The following TWSG1 variants were observed in gnomAD, a reference collection of about 807,000 sequenced individuals.
TWSG1 encodes the protein twisted gastrulation protein homolog 1.
TWSG1 carries 15 observed loss-of-function variants against 23.0 expected under a neutral mutation model. That is an observed-to-expected ratio of 0.65 (90% CI 0.44 to 1.00). TWSG1 has a LOEUF of 1.00. Among genes scored for constraint, TWSG1 ranks in the 50% least tolerant of loss-of-function variants. The pLI is 0.00. For synonymous variants in TWSG1, 86 were observed against 92.8 expected (o/e 0.93, Z 0.42); for missense variants, 242 against 278.7 (o/e 0.87, Z 0.94).
intron 2 of TWSG1, among the ~76,000 whole-genome samples, chr18:9,348,633 T>C (rs552625931): frequency 6.6e-6 from 1 of 152,348 alleles, no homozygotes; most frequent in East Asian, 1.9e-4. Flanking sequence ...ACAGGGCACA[T>C]TGACATTTTA....
intron 2 of TWSG1, among the ~76,000 whole-genome samples, chr18:9,339,390 C>G (rs918607425): frequency 2.6e-5 from 4 of 152,160 alleles, no homozygotes; most frequent in Non-Finnish European, 5.9e-5. Flanking sequence ...CAGCGATCCT[C>G]CCATCTCAGC....
chr18:9,372,067 C>T (rs930431477), intron 3 of TWSG1, among the ~76,000 whole-genome samples: 4 of 151,820 alleles, frequency 2.6e-5, no homozygotes, highest in Non-Finnish European at 4.4e-5. Flanking sequence ...GCCTGGCCAA[C>T]GTTTTTATTC....
intron 2 of TWSG1, among the ~76,000 whole-genome samples, chr18:9,350,473 A>G (rs2040497552): frequency 6.6e-6 from 1 of 152,202 alleles, no homozygotes; most frequent in South Asian, 2.1e-4. Flanking sequence ...ACTCAGCCTC[A>G]ACAGTGATCA....
At chr18:9,349,678 A>C (rs1291957768) in intron 2 of TWSG1, among the ~76,000 whole-genome samples, 5 of 152,062 alleles carry the variant, frequency 3.3e-5, no homozygotes, top group Non-Finnish European at 4.4e-5. Context: ...TTTTTTTCTT[A>C]ATCAGTGCAA....
At chr18:9,368,832 C>T (rs145567471) in intron 3 of TWSG1, among the ~76,000 whole-genome samples, 1 of 152,054 alleles carries the variant, frequency 6.6e-6, no homozygotes, top group South Asian at 2.1e-4. Flanking sequence ...CCTGTAATCC[C>T]AGCTATTCGG....
chr18:9,394,248 A>G (rs1368737152), intron 3 of TWSG1, among the ~76,000 whole-genome samples: 1 of 152,256 alleles, frequency 6.6e-6, no homozygotes, highest in African/African-American at 2.4e-5. Context: ...TCTGTCATTT[A>G]TGCCAACATA....
chr18:9,341,270 G>A (rs2040445275), intron 2 of TWSG1, among the ~76,000 whole-genome samples: 1 of 152,192 alleles, frequency 6.6e-6, no homozygotes, highest in Non-Finnish European at 1.5e-5. Flanking sequence ...TGAATTGGCT[G>A]GCTAGGTGAG....
chr18:9,340,367 C>CAAAAAAA (rs775837207), intron 2 of TWSG1, among the ~76,000 whole-genome samples: 33 of 67,036 alleles, frequency 4.9e-4, no homozygotes, highest in South Asian at 6.1e-4. Flanking sequence ...GACTCCATTT[C>CAAAAAAA]AAAAAAAAAA....
At chr18:9,351,904 C>T (rs185730769) in intron 2 of TWSG1, among the ~76,000 whole-genome samples, 13 of 152,220 alleles carry the variant, frequency 8.5e-5, no homozygotes, top group African/African-American at 3.1e-4. Flanking sequence ...CCTTGGCCTC[C>T]CAGAATCCTG....
Position 9,350,152 on chromosome 18 carries a change from A to G in TWSG1, c.124-9820A>G, listed in dbSNP as rs186070125. ...GAGACTCCATCTCAAAAAAAAAAAA[A>G]GTTGTGGCGCTAACCTATTTTTGTC... On this transcript the variant is annotated intron_variant, in intron 2 of 4. Coordinates refer to ENST00000262120, the MANE Select transcript of TWSG1 (RefSeq NM_020648.6). 3.9e-3 allele frequency among the ~76,000 whole-genome samples: 591 copies of G among 152,076 alleles called. 1 individual carries two copies. The highest frequency in any genetic ancestry group is 0.013 in the African/African-American group (550 of 41,504).
intron 2 of TWSG1, among the ~76,000 whole-genome samples, chr18:9,343,213 TATATATATATA>T (rs1568030715): frequency 9.9e-3 from 18 of 1,810 alleles, no homozygotes; most frequent in African/African-American, 0.015. Context: ...TTTTTTGTTA[TATATATATATA>T]TATATATATA....
intron 3 of TWSG1, among the ~76,000 whole-genome samples, chr18:9,383,962 G>A (rs569756349): frequency 2.0e-5 from 3 of 152,306 alleles, no homozygotes; most frequent in African/African-American, 7.2e-5. Context: ...GAGGGAAAAG[G>A]AATGGTAACA....
chr18:9,341,970 C>T (rs935596661), intron 2 of TWSG1, among the ~76,000 whole-genome samples: 2 of 152,060 alleles, frequency 1.3e-5, no homozygotes, highest in Non-Finnish European at 2.9e-5. Flanking sequence ...AGTTTTTTCC[C>T]TTGCATTTAT....
intron 2 of TWSG1, among the ~76,000 whole-genome samples, chr18:9,342,041 A>G (rs746286768): frequency 6.6e-6 from 1 of 152,100 alleles, no homozygotes; most frequent in African/African-American, 2.4e-5. Context: ...TGGAATTCTG[A>G]TGGGCTGCAT....
intron 2 of TWSG1, among the ~76,000 whole-genome samples, chr18:9,343,219 T>TATATAC (rs1389259468): frequency 1.2e-3 from 6 of 4,962 alleles, no homozygotes; most frequent in African/African-American, 4.1e-3. Context: ...GTTATATATA[T>TATATAC]ATATATATAT....
chr18:9,352,341 A>G (rs1363102809), intron 2 of TWSG1, among the ~76,000 whole-genome samples: 2 of 152,114 alleles, frequency 1.3e-5, no homozygotes, highest in Admixed American at 6.5e-5. Flanking sequence ...TGATTGTTGG[A>G]CCTTGCGTGG....
intron 2 of TWSG1, among the ~76,000 whole-genome samples, chr18:9,344,083 G>T (rs1161110891): frequency 3.3e-5 from 5 of 152,094 alleles, no homozygotes; most frequent in African/African-American, 9.7e-5. Flanking sequence ...AAAATTTTTT[G>T]TGTGTGGAGA....
chr18:9,348,797 T>C (rs1458969750), intron 2 of TWSG1, among the ~76,000 whole-genome samples: 1 of 152,240 alleles, frequency 6.6e-6, no homozygotes, highest in Non-Finnish European at 1.5e-5. Flanking sequence ...AATTTAGGTT[T>C]CTTTTTGTTA....
At chr18:9,375,099 A>G (rs1473803624) in intron 3 of TWSG1, among the ~76,000 whole-genome samples, 3 of 149,748 alleles carry the variant, frequency 2.0e-5, no homozygotes, top group African/African-American at 4.9e-5. Flanking sequence ...CCCGGGAGGC[A>G]GAGCTTGCGG....
Sources: gnomAD v4.1 joint callset for allele counts (sites outside exome capture counted in the v4.1 genomes callset) on GRCh38, gnomAD v4.1.1 for gene constraint, MANE v1.5 for transcripts, NCBI Gene and HGNC (gene_info 2026-07-23, HGNC 2026-07-21) for gene names.